PPP1R12A: variants seen among roughly 807,000 people sequenced by gnomAD.
The protein encoded by PPP1R12A is protein phosphatase 1 regulatory subunit 12A, also known as myosin binding subunit.
In PPP1R12A, 19 loss-of-function variants were observed where a neutral mutation model predicts 139.6. That is an observed-to-expected ratio of 0.14 (90% confidence interval 0.09 to 0.20). PPP1R12A has a LOEUF of 0.20. Ranked by LOEUF, PPP1R12A falls within the 10% of genes least tolerant of loss-of-function variation. The probability of loss-of-function intolerance (pLI) is 1.00; values close to 1 mark genes in which losing one functional copy is unlikely to be tolerated. For missense variants in PPP1R12A, 925 were observed against 1,211.5 expected (o/e 0.76, Z 3.51); for synonymous variants, 427 against 420.6 (o/e 1.02, Z -0.19).
At chr12:79,908,191 T>C (rs1310158179) in intron 1 of PPP1R12A, among the ~76,000 whole-genome samples, 2 of 152,180 alleles carry the variant, frequency 1.3e-5, no homozygotes, top group African/African-American at 4.8e-5. Context: ...CCACAGTAAT[T>C]AAAGAGTAGA....
At chr12:79,828,644 G>C (rs113913669) in intron 4 of PPP1R12A, among the ~76,000 whole-genome samples, 180 bp from the exon 5 acceptor site, 3 of 152,070 alleles carry the variant, frequency 2.0e-5, no homozygotes, top group African/African-American at 7.2e-5. Flanking sequence ...AAAAAACTCA[G>C]AAAAAGAGGA....
intron 2 of PPP1R12A, among the ~76,000 whole-genome samples, chr12:79,867,214 C>CA (rs2137309450): frequency 6.6e-6 from 1 of 152,186 alleles, no homozygotes; most frequent in African/African-American, 2.4e-5. Flanking sequence ...CAAACTATCA[C>CA]AAGATCAGAA....
intron 1 of PPP1R12A, among the ~76,000 whole-genome samples, chr12:79,905,971 T>C (rs558700299): frequency 1.3e-5 from 2 of 152,328 alleles, no homozygotes; most frequent in Non-Finnish European, 2.9e-5. Context: ...AATGAGTGGT[T>C]TAATACATTC....
chr12:79,860,748 C>T (rs1881219797), intron 2 of PPP1R12A, among the ~76,000 whole-genome samples: 1 of 152,016 alleles, frequency 6.6e-6, no homozygotes, highest in Non-Finnish European at 1.5e-5. Flanking sequence ...GTGAATTCAA[C>T]ACATAGTAAC....
upstream of PPP1R12A, chr12:79,935,181 C>T: frequency 2.2e-6 from 3 of 1,334,450 alleles, no homozygotes; most frequent in Non-Finnish European, 2.9e-6. Context: ...TCACCGGCGG[C>T]CAATCTAACG....
intron 3 of PPP1R12A, among the ~76,000 whole-genome samples, chr12:79,842,529 T>C (rs1878849751): frequency 6.6e-6 from 1 of 152,060 alleles, no homozygotes; most frequent in Non-Finnish European, 1.5e-5. Flanking sequence ...ATAATACCTG[T>C]TTGATCACTG....
At chr12:79,880,208 G>A (rs1431858210) in intron 1 of PPP1R12A, among the ~76,000 whole-genome samples, 1 of 152,252 alleles carries the variant, frequency 6.6e-6, no homozygotes, top group East Asian at 1.9e-4. Context: ...ATAGCAGTGG[G>A]TAGAAAGTAC....
At chr12:79,905,697 C>A (rs1285120564) in intron 1 of PPP1R12A, among the ~76,000 whole-genome samples, 1 of 152,154 alleles carries the variant, frequency 6.6e-6, no homozygotes, top group East Asian at 1.9e-4. Context: ...TCACTCTTAA[C>A]CCATGTATGT....
chr12:79,863,231 A>T (rs927083464), intron 2 of PPP1R12A, among the ~76,000 whole-genome samples: 1 of 152,182 alleles, frequency 6.6e-6, no homozygotes, highest in Non-Finnish European at 1.5e-5. Flanking sequence ...TTCATAAGTG[A>T]AGGAGAAATA....
chr12:79,892,993 A>G (rs1884799081), intron 1 of PPP1R12A, among the ~76,000 whole-genome samples: 1 of 151,974 alleles, frequency 6.6e-6, no homozygotes, highest in Non-Finnish European at 1.5e-5. Flanking sequence ...AATCCCAGCT[A>G]TTCAGGAGGC....
chr12:79,880,051 C>T (rs1489978988), intron 1 of PPP1R12A, among the ~76,000 whole-genome samples: 1 of 152,094 alleles, frequency 6.6e-6, no homozygotes. Flanking sequence ...AGCATATTCT[C>T]TGTTTACGGC....
intron 1 of PPP1R12A, among the ~76,000 whole-genome samples, chr12:79,893,677 A>G (rs1287809113): frequency 6.6e-6 from 1 of 152,228 alleles, no homozygotes; most frequent in Non-Finnish European, 1.5e-5. Flanking sequence ...GATACATTGT[A>G]AAAACCTTTT....
At chr12:79,842,035 G>C (rs559647939) in intron 3 of PPP1R12A, among the ~76,000 whole-genome samples, 7 of 151,852 alleles carry the variant, frequency 4.6e-5, no homozygotes, top group Admixed American at 4.6e-4. Context: ...CAAACCCACA[G>C]TTGGCTAGAT....
rs1382025547 is a variant in PPP1R12A, at chr12:79,822,315, A to G, written c.793-125T>C. The stretch of plus-strand genomic sequence containing the variant: ...CATTTTTTACAGTGGTTATGATACA[A>G]TAACTACTGTAAAAACATACAACTC... On this transcript the variant is annotated intron_variant, in intron 5 of 24. Coordinates refer to ENST00000450142, the MANE Select transcript of PPP1R12A (RefSeq NM_002480.3). 6.5e-6 allele frequency: 4 copies of G among 618,574 alleles called. No homozygotes were observed. In the Admixed American group the frequency reaches 9.2e-5, roughly 14 times the overall value. The allele number at this position is 618,574 out of a possible 1,614,324, so 38.3% of individuals were successfully genotyped here.
chr12:79,869,521 G>A (rs1379146163), intron 2 of PPP1R12A, among the ~76,000 whole-genome samples: 1 of 152,172 alleles, frequency 6.6e-6, no homozygotes, highest in Non-Finnish European at 1.5e-5. Context: ...CTTCCTGGAA[G>A]AAATGACCCT....
At chr12:79,929,634 TG>T (rs1292981487) in intron 1 of PPP1R12A, among the ~76,000 whole-genome samples, 1 of 152,018 alleles carries the variant, frequency 6.6e-6, no homozygotes, top group Non-Finnish European at 1.5e-5. Context: ...CCAGGCATGG[TG>T]CCACGCACCC....
chr12:79,807,769 G>A (rs1018784060), intron 11 of PPP1R12A, among the ~76,000 whole-genome samples: 3 of 152,098 alleles, frequency 2.0e-5, no homozygotes, highest in Non-Finnish European at 4.4e-5. Context: ...GCCGGGTGCA[G>A]TGGTTCACAC....
Position 79,800,184 on chromosome 12 carries a change from G to C in PPP1R12A, c.2001-1600C>G, listed in dbSNP as rs934990532. On this transcript the variant is annotated intron_variant, in intron 14 of 24. Transcript: ENST00000450142. ...ACACTTATAGAACCAGAGTACAGTTGACTGCTGAACAACACAAGTTTGAAC... is the reference window on the plus strand; with the variant it reads ...ACACTTATAGAACCAGAGTACAGTTCACTGCTGAACAACACAAGTTTGAAC... Among the ~76,000 whole-genome samples, 8 of 152,096 alleles carry C rather than the reference G, an allele frequency of 5.3e-5. No individual in the cohort carries two copies. In the South Asian group the frequency reaches 1.7e-3, roughly 32 times the overall value.
intron 2 of PPP1R12A, among the ~76,000 whole-genome samples, chr12:79,866,670 C>A (rs922125045): frequency 6.6e-6 from 1 of 152,030 alleles, no homozygotes; most frequent in African/African-American, 2.4e-5. Context: ...ATATGAACAG[C>A]CACTTCTCAA....
Sources: allele counts gnomAD v4.1 joint callset (sites outside exome capture counted in the v4.1 genomes callset), GRCh38; gene constraint gnomAD v4.1.1; transcripts MANE v1.5; gene names NCBI Gene and HGNC (gene_info 2026-07-23, HGNC 2026-07-21).